WWOX: variants seen among roughly 807,000 people sequenced by gnomAD.
WWOX encodes WW domain-containing oxidoreductase.
In WWOX, 69 loss-of-function variants were observed where a neutral mutation model predicts 46.2. The ratio of observed to expected loss-of-function variants is 1.49; its 90% CI spans 1.23 to 1.82. The LOEUF (loss-of-function observed/expected upper bound fraction) is 1.82, where lower values mean the gene tolerates loss of function less well. Among genes scored for constraint, WWOX ranks in the 40% most tolerant of loss-of-function variants. The pLI is 0.00. For missense variants in WWOX, 919 were observed against 542.6 expected, an observed-to-expected ratio of 1.69 and a Z score of -6.89; for synonymous variants, 359 against 202.6, an observed-to-expected ratio of 1.77 and a Z score of -6.56.
At chr16:78,873,978 C>G (rs905842236) in intron 8 of WWOX, among the ~76,000 whole-genome samples, 1 of 151,660 alleles carries the variant, frequency 6.6e-6, no homozygotes. Context: ...AAGAAAGGTT[C>G]TGGCTGAGCA....
chr16:78,403,047 C>T (rs992734458), intron 6 of WWOX, among the ~76,000 whole-genome samples: 1 of 152,210 alleles, frequency 6.6e-6, no homozygotes, highest in African/African-American at 2.4e-5. Flanking sequence ...CAGCACACGG[C>T]TGTCAGGGGC....
At chr16:78,918,403 C>G (rs1003010679) in intron 8 of WWOX, among the ~76,000 whole-genome samples, 1 of 152,058 alleles carries the variant, frequency 6.6e-6, no homozygotes, top group Non-Finnish European at 1.5e-5. Context: ...AGGCTGGCTT[C>G]TTACCTAGGT....
chr16:78,340,510 C>G (rs72794014), intron 5 of WWOX, among the ~76,000 whole-genome samples: 27,414 of 119,596 alleles, frequency 0.23, 8,829 homozygotes, highest in African/African-American at 0.38. Flanking sequence ...CACCTAGCCT[C>G]TTGATAAAGT....
At chr16:79,148,670 A>G (rs1054281421) in intron 8 of WWOX, among the ~76,000 whole-genome samples, 1 of 152,194 alleles carries the variant, frequency 6.6e-6, no homozygotes, top group South Asian at 2.1e-4. Flanking sequence ...ATTCGGGAGA[A>G]TTGACATCTT....
At chr16:79,211,392 C>CT in intron 8 of WWOX, among the ~76,000 whole-genome samples, 1 of 152,284 alleles carries the variant, frequency 6.6e-6, no homozygotes. Context: ...GTTACACCAG[C>CT]TTTACAAGCG....
chr16:78,582,011 T>G (rs192133519), intron 8 of WWOX, among the ~76,000 whole-genome samples: 37 of 152,316 alleles, frequency 2.4e-4, no homozygotes, highest in African/African-American at 8.7e-4. Context: ...GTTTTAAATA[T>G]TTCGTTTGTA....
At chr16:78,806,037 C>G (rs1010763618) in intron 8 of WWOX, among the ~76,000 whole-genome samples, 2 of 152,178 alleles carry the variant, frequency 1.3e-5, no homozygotes, top group African/African-American at 4.8e-5. Context: ...TCCAAAGCCA[C>G]TTGAGGCTCT....
rs2048052704 is a variant in WWOX at position 79,045,767 on chromosome 16, CTTTTTTCTTTTCCTTTTTTT to C, written c.1057-165834_1057-165815del. ...GTAATCTCTCTGGAGCTCGTCTTTC[CTTTTTTCTTTTCCTTTTTTT>C]TTTTTTTTTTTTTTTTTTTTTTTTT... is the stretch of plus-strand genomic sequence containing the variant. On this transcript the variant is annotated intron_variant, in intron 8 of 8. Transcript: ENST00000566780. 1.7e-4 allele frequency among the ~76,000 whole-genome samples: 17 copies of C among 100,000 alleles called. No individual in the cohort carries two copies. In the South Asian group the frequency reaches 2.7e-3, roughly 16 times the overall value. The allele number at this position is 100,000 out of a possible 152,430, so 65.6% of individuals were successfully genotyped here.
intron 8 of WWOX, among the ~76,000 whole-genome samples, chr16:79,198,063 G>A (rs565632320): frequency 1.1e-4 from 16 of 152,114 alleles, no homozygotes; most frequent in Non-Finnish European, 1.9e-4. Context: ...GGTGGCTCAT[G>A]CCTATAATCC....
intron 5 of WWOX, among the ~76,000 whole-genome samples, chr16:78,288,463 T>G (rs2079807249): frequency 6.6e-6 from 1 of 152,128 alleles, no homozygotes. Flanking sequence ...GGTTGTCAAT[T>G]TAATGGAATG....
chr16:78,908,021 A>G (rs981798228), intron 8 of WWOX, among the ~76,000 whole-genome samples: 1 of 152,168 alleles, frequency 6.6e-6, no homozygotes, highest in Non-Finnish European at 1.5e-5. Context: ...TTGTCCAGGT[A>G]TTTGGATGAA....
intron 8 of WWOX, among the ~76,000 whole-genome samples, chr16:79,041,695 G>T (rs2047974566): frequency 6.6e-6 from 1 of 152,100 alleles, no homozygotes; most frequent in South Asian, 2.1e-4. Context: ...AATGGCAAGG[G>T]CATGAGGCAG....
At position 79,180,779 on chromosome 16, in the gene WWOX, A is replaced by G. The variant is rs149729331; in HGVS notation, c.1057-30829A>G. Among the ~76,000 whole-genome samples, 415 of 152,070 alleles carry G rather than the reference A, an allele frequency of 2.7e-3. 1 individual carries two copies. Among genetic ancestry groups the G allele is most frequent in the Admixed American group, 3.5e-3 (53 of 15,264 alleles). ...TATCCATCCATCCATCCATTCATCA[A>G]TCCATTTATCCACTCTGAATAGAAA... On this transcript the variant is annotated intron_variant, in intron 8 of 8. Coordinates refer to ENST00000566780, the MANE Select transcript of WWOX (RefSeq NM_016373.4).
At chr16:79,189,423 T>TTGTGTGTG (rs4035319) in intron 8 of WWOX, among the ~76,000 whole-genome samples, 17 of 114,972 alleles carry the variant, frequency 1.5e-4, no homozygotes, top group East Asian at 5.1e-4. Context: ...ACTCCCAGCT[T>TTGTGTGTG]TGTGTGTGTG....
chr16:79,011,199 C>T (rs1174184720), intron 8 of WWOX, among the ~76,000 whole-genome samples: 3 of 151,168 alleles, frequency 2.0e-5, no homozygotes, highest in Non-Finnish European at 4.4e-5. Context: ...TGAAAAGTTG[C>T]AGACATCATC....
At chr16:78,386,579 C>A (rs373052053) in intron 5 of WWOX, among the ~76,000 whole-genome samples, 1 of 152,214 alleles carries the variant, frequency 6.6e-6, no homozygotes, top group East Asian at 1.9e-4. Flanking sequence ...TAGCCCGAAG[C>A]GCCTTTGCAG....
At chr16:79,136,167 C>T (rs1235557146) in intron 8 of WWOX, among the ~76,000 whole-genome samples, 1 of 151,998 alleles carries the variant, frequency 6.6e-6, no homozygotes, top group Non-Finnish European at 1.5e-5. Flanking sequence ...ATATTTATAC[C>T]TGAAAGCGTC....
intron 8 of WWOX, among the ~76,000 whole-genome samples, chr16:78,515,504 G>T (rs1258064568): frequency 2.0e-5 from 3 of 152,274 alleles, no homozygotes; most frequent in East Asian, 1.9e-4. Context: ...CATTTCCCCG[G>T]AAGTGTGCAA....
At chr16:78,983,074 G>C (rs2046714356) in intron 8 of WWOX, among the ~76,000 whole-genome samples, 1 of 152,144 alleles carries the variant, frequency 6.6e-6, no homozygotes, top group Non-Finnish European at 1.5e-5. Context: ...GTTTCTTGTG[G>C]AAGTGGGCTT....
Sources: allele counts gnomAD v4.1 joint callset (sites outside exome capture counted in the v4.1 genomes callset), GRCh38; gene constraint gnomAD v4.1.1; transcripts MANE v1.5; gene names NCBI Gene and HGNC (gene_info 2026-07-23, HGNC 2026-07-21).